The following SHTN1 variants were observed in gnomAD, a reference collection of about 807,000 sequenced individuals.
The protein encoded by SHTN1 is shootin 1.
In SHTN1, 42 loss-of-function variants were observed where a neutral mutation model predicts 83.1. The ratio of observed to expected loss-of-function variants is 0.51; its 90% CI spans 0.39 to 0.65. SHTN1 has a LOEUF of 0.65. Among genes scored for constraint, SHTN1 ranks in the 30% least tolerant of loss-of-function variants. SHTN1 has a pLI of 0.00. For synonymous variants in SHTN1, 224 were observed against 247.7 expected, an observed-to-expected ratio of 0.90 and a Z score of 0.90; for missense variants, 622 against 737.8, an observed-to-expected ratio of 0.84 and a Z score of 1.82.
At chr10:117,022,527 G>GA (rs993436877) in intron 2 of SHTN1, among the ~76,000 whole-genome samples, 36 of 148,492 alleles carry the variant, frequency 2.4e-4, no homozygotes, top group South Asian at 8.5e-4. Flanking sequence ...AATATGCCAT[G>GA]AAAAAAAAAA....
chr10:116,902,500 A>G (rs182935002), intron 15 of SHTN1, among the ~76,000 whole-genome samples: 22 of 152,320 alleles, frequency 1.4e-4, no homozygotes, highest in Non-Finnish European at 2.4e-4. Flanking sequence ...AAATCATAAA[A>G]ATTAAGTGGG....
At chr10:117,109,260 T>G (rs1853724784) in intron 1 of SHTN1, among the ~76,000 whole-genome samples, 1 of 152,164 alleles carries the variant, frequency 6.6e-6, no homozygotes. Flanking sequence ...GTGATTCTAG[T>G]ATGTAGTCCA....
chr10:116,997,289 T>C (rs1021545212), intron 1 of SHTN1, among the ~76,000 whole-genome samples: 2 of 152,230 alleles, frequency 1.3e-5, no homozygotes, highest in African/African-American at 4.8e-5. Flanking sequence ...TATAGTTCTT[T>C]GTTGAAGACA....
intron 1 of SHTN1, among the ~76,000 whole-genome samples, chr10:117,082,556 T>C (rs1217508268): frequency 2.0e-5 from 3 of 152,074 alleles, no homozygotes; most frequent in African/African-American, 4.8e-5. Context: ...TTAGGTCCGC[T>C]TGGTGCAGAG....
intron 1 of SHTN1, among the ~76,000 whole-genome samples, chr10:116,998,180 G>T (rs1266277353): frequency 6.6e-6 from 1 of 152,172 alleles, no homozygotes; most frequent in Non-Finnish European, 1.5e-5. Flanking sequence ...TGGGAGATTT[G>T]TCTTTAATCA....
chr10:116,989,338 A>G (rs1330582724), intron 1 of SHTN1, among the ~76,000 whole-genome samples: 3 of 152,176 alleles, frequency 2.0e-5, no homozygotes, highest in African/African-American at 4.8e-5. Context: ...CTAGGATCCC[A>G]TCTGGGATAC....
intron 1 of SHTN1, among the ~76,000 whole-genome samples, chr10:116,981,638 T>C (rs972578240): frequency 2.6e-5 from 4 of 152,214 alleles, no homozygotes; most frequent in African/African-American, 7.2e-5. Context: ...TTAAAAGACT[T>C]TGATTTTAGG....
chr10:116,900,591 T>C lies in SHTN1; in HGVS notation c.1673+1174A>G. The C allele has an allele frequency of 3.3e-6, 5 of 1,531,676 alleles. 1 individual carries two copies. The South Asian group carries it at 4.8e-5, about 15-fold the overall frequency. 94.9% of individuals were successfully genotyped at this position (1,531,676 alleles called of 1,614,324 possible). A position where few individuals can be genotyped will look rare whatever the true frequency, so the allele number is the denominator to read the frequency against. ...ATCTATACACACACACTGAAGCATT[T>C]ATCAGAAACTAACTTGTCTCAGCCA... On this transcript the variant is annotated intron_variant, in intron 16 of 16. Coordinates refer to ENST00000355371, the MANE Select transcript of SHTN1 (RefSeq NM_001127211.3).
intron 2 of SHTN1, among the ~76,000 whole-genome samples, chr10:117,014,361 G>A (rs551756469): frequency 6.6e-6 from 1 of 152,176 alleles, no homozygotes; most frequent in East Asian, 1.9e-4. Context: ...CAAATAAATC[G>A]AACCATATTA....
At chr10:117,052,350 CCCCAAAG>C (rs1307519318) in intron 1 of SHTN1, among the ~76,000 whole-genome samples, 3 of 151,936 alleles carry the variant, frequency 2.0e-5, no homozygotes, top group African/African-American at 7.2e-5. Flanking sequence ...TGGCAGTGTT[CCCCAAAG>C]CTATCTATAT....
intron 9 of SHTN1, among the ~76,000 whole-genome samples, chr10:116,937,576 T>C (rs1405857048): frequency 6.6e-6 from 1 of 152,174 alleles, no homozygotes; most frequent in African/African-American, 2.4e-5. Flanking sequence ...CCAACCTTTC[T>C]CTCTGGCCGC....
At chr10:116,985,689 C>T (rs1329381158) in intron 1 of SHTN1, among the ~76,000 whole-genome samples, 1 of 152,084 alleles carries the variant, frequency 6.6e-6, no homozygotes, top group East Asian at 1.9e-4. Context: ...CAAATGTAAC[C>T]AGAAAACAAG....
chr10:116,903,904 G>A (rs1847855143), intron 15 of SHTN1, among the ~76,000 whole-genome samples: 1 of 152,146 alleles, frequency 6.6e-6, no homozygotes, highest in African/African-American at 2.4e-5. Flanking sequence ...TCCTGTTTAA[G>A]CCACCCAGTG....
In SHTN1 at chr10:117,004,949, G is replaced by A. The variant is rs1312320637; in HGVS notation, c.58+73C>T. 11 of 1,411,930 alleles carry A rather than the reference G, an allele frequency of 7.8e-6. No homozygotes were observed. In the African/African-American group the frequency reaches 1.2e-4, roughly 15 times the overall value. 87.5% of individuals were successfully genotyped at this position (1,411,930 alleles called of 1,614,324 possible). A position where few individuals can be genotyped will look rare whatever the true frequency, so the allele number is the denominator to read the frequency against. On this transcript the variant is annotated intron_variant, in intron 1 of 16. Coordinates refer to ENST00000355371, the MANE Select transcript of SHTN1 (RefSeq NM_001127211.3). ...CTCCCGCCCGGCTTCCAACTGCCCT[G>A]GCCCCAGCGCCCTGGGGCCGTCCCC... is the stretch of plus-strand genomic sequence containing the variant.
intron 5 of SHTN1, among the ~76,000 whole-genome samples, chr10:116,953,623 G>GGT (rs1849859118): frequency 2.2e-5 from 2 of 92,720 alleles, no homozygotes; most frequent in Non-Finnish European, 3.9e-5. Flanking sequence ...TTTGTGTTTT[G>GGT]TTTTTTTTTT....
intron 2 of SHTN1, among the ~76,000 whole-genome samples, chr10:117,048,000 T>C (rs1852691164): frequency 6.6e-6 from 1 of 151,982 alleles, no homozygotes; most frequent in African/African-American, 2.4e-5. Flanking sequence ...TTAGATGACA[T>C]CAGAAACACT....
chr10:116,912,683 G>GT (rs1485794435), intron 13 of SHTN1, among the ~76,000 whole-genome samples: 1 of 152,132 alleles, frequency 6.6e-6, no homozygotes, highest in Non-Finnish European at 1.5e-5. Flanking sequence ...TGAAAAGTAA[G>GT]TTCAGGAAAG....
chr10:117,103,438 C>T (rs1206005474), intron 1 of SHTN1, among the ~76,000 whole-genome samples: 2 of 151,936 alleles, frequency 1.3e-5, no homozygotes, highest in Admixed American at 1.3e-4. Context: ...ACATACCACC[C>T]ATGTTTTCTA....
chr10:116,981,711 T>C (rs1851025433), intron 1 of SHTN1, among the ~76,000 whole-genome samples: 1 of 152,224 alleles, frequency 6.6e-6, no homozygotes, highest in Non-Finnish European at 1.5e-5. Flanking sequence ...TTTAATGTTC[T>C]ATAATTGGTG....
Sources: gnomAD v4.1 joint callset for allele counts (sites outside exome capture counted in the v4.1 genomes callset) on GRCh38, gnomAD v4.1.1 for gene constraint, MANE v1.5 for transcripts, NCBI Gene and HGNC (gene_info 2026-07-23, HGNC 2026-07-21) for gene names.